CCDC146: variants seen among roughly 807,000 people sequenced by gnomAD.
CCDC146 encodes coiled-coil domain containing 146.
In CCDC146, 92 loss-of-function variants were observed where a neutral mutation model predicts 119.3. That is an observed-to-expected ratio of 0.77 (90% CI 0.65 to 0.92). The LOEUF (loss-of-function observed/expected upper bound fraction) is 0.92. Ranked by LOEUF, CCDC146 falls within the 40% of genes least tolerant of loss-of-function variation. The pLI is 0.00. For missense variants in CCDC146, 1,000 were observed against 1,103.0 expected (o/e 0.91, Z 1.32); for synonymous variants, 372 against 371.8 (o/e 1.00, Z -0.01).
chr7:77,196,509 C>T lies in CCDC146; in HGVS notation c.156+28685C>T. ...CCACAGTTCCCAGAAGGATATCGAT[C>T]ATTGTCTTTATCTGGAGTGGTGAAA... On this transcript the variant is annotated intron_variant, in intron 2 of 18. Coordinates refer to ENST00000285871, the MANE Select transcript of CCDC146 (RefSeq NM_020879.3). This position sits in a 1 kb window ranked among gnomAD's most constrained non-coding sequence, Gnocchi z 4.2. 1 of 1,614,120 alleles carries T rather than the reference C, an allele frequency of 6.2e-7. No individual in the cohort carries two copies. Among genetic ancestry groups the T allele is most frequent in the Non-Finnish European group, 8.5e-7 (1 of 1,180,002 alleles).
At chr7:77,265,771 G>A (rs1253558743) in intron 9 of CCDC146, among the ~76,000 whole-genome samples, 3 of 152,222 alleles carry the variant, frequency 2.0e-5, no homozygotes, top group African/African-American at 7.2e-5. Flanking sequence ...ACATATGCAA[G>A]TAGGAAGTAA....
chr7:77,124,697 T>G lies in CCDC146; in HGVS notation c.-12+1965T>G, dbSNP rs548753277. Among the ~76,000 whole-genome samples the G allele has an allele frequency of 1.7e-4, 26 of 152,342 alleles. 1 individual carries two copies. The East Asian group carries it at 4.4e-3, about 26-fold the overall frequency. The stretch of plus-strand genomic sequence containing the variant: ...TTTTCACATCTTAGTTTAAAAAAGC[T>G]ATTTCTGTGGTCATGAACATATACT... On this transcript the variant is annotated intron_variant, in intron 1 of 18. Coordinates refer to ENST00000285871, the MANE Select transcript of CCDC146 (RefSeq NM_020879.3).
intron 2 of CCDC146, among the ~76,000 whole-genome samples, chr7:77,221,148 A>T (rs1277899811): frequency 6.6e-6 from 1 of 152,140 alleles, no homozygotes; most frequent in African/African-American, 2.4e-5. Context: ...GTGCTATACC[A>T]TTCATAAAGG....
chr7:77,232,946 A>C (rs1792659533), intron 2 of CCDC146, among the ~76,000 whole-genome samples: 1 of 152,232 alleles, frequency 6.6e-6, no homozygotes, highest in East Asian at 1.9e-4. Context: ...TTCAAATGCC[A>C]CAGTTTCTTG....
rs1024183621 is a variant in CCDC146 at position 77,211,858 on chromosome 7, G to A, written c.157-25089G>A. Among the ~76,000 whole-genome samples the A allele has an allele frequency of 5.3e-5, 8 of 151,958 alleles. No homozygotes were observed. The East Asian group carries it at 7.7e-4, about 15-fold the overall frequency. ...CTTGAACTCCTGACCTCAAGTGATC[G>A]GCCCACCCCAGCCTCTCAAAGTGCT... On this transcript the variant is annotated intron_variant, in intron 2 of 18. Transcript: ENST00000285871.
At chr7:77,212,950 ATTTT>A (rs5885013) in intron 2 of CCDC146, among the ~76,000 whole-genome samples, 1 of 111,268 alleles carries the variant, frequency 9.0e-6, no homozygotes, top group Non-Finnish European at 1.8e-5. Flanking sequence ...GGTCACATTA[ATTTT>A]TTTTTTTTTT....
At chr7:77,267,843 A>T (rs1206503441) in intron 9 of CCDC146, among the ~76,000 whole-genome samples, 1 of 152,200 alleles carries the variant, frequency 6.6e-6, no homozygotes, top group Non-Finnish European at 1.5e-5. Flanking sequence ...CTCTCAGTAT[A>T]TTAAAACACA....
chr7:77,271,533 T>G lies in CCDC146; in HGVS notation c.1174-2161T>G, dbSNP rs1294979825. On this transcript the variant is annotated intron_variant, in intron 9 of 18. Coordinates refer to ENST00000285871, the MANE Select transcript of CCDC146 (RefSeq NM_020879.3). ...TAGGAGATATATATATATATATATA[T>G]ATATATATATATATATATATATATA... Among the ~76,000 whole-genome samples, 67 of 13,284 alleles carry G rather than the reference T, an allele frequency of 5.0e-3. 5 individuals carry two copies. The highest frequency in any genetic ancestry group is 0.02 in the South Asian group (6 of 304). 8.7% of individuals were successfully genotyped at this position (13,284 alleles called of 152,430 possible).
intron 15 of CCDC146, among the ~76,000 whole-genome samples, chr7:77,285,275 G>C (rs1272805980): frequency 6.6e-6 from 1 of 151,930 alleles, no homozygotes; most frequent in African/African-American, 2.4e-5. Context: ...CTATATTTTT[G>C]TTTCTTATTT....
At chr7:77,258,955 G>A (rs773407163) in intron 6 of CCDC146, 40 bp from the exon 7 acceptor site, 21 of 1,379,156 alleles carry the variant, frequency 1.5e-5, no homozygotes, top group Middle Eastern at 1.8e-4. Flanking sequence ...GCTTCTAGCC[G>A]AAGACCGCAT....
At chr7:77,271,422 C>T (rs940243384) in intron 9 of CCDC146, among the ~76,000 whole-genome samples, 2 of 149,626 alleles carry the variant, frequency 1.3e-5, no homozygotes, top group Admixed American at 1.3e-4. Context: ...TGCAGATGGC[C>T]TATTGTGGGA....
chr7:77,125,421 A>G (rs71555959), intron 1 of CCDC146, among the ~76,000 whole-genome samples: 8 of 151,330 alleles, frequency 5.3e-5, no homozygotes, highest in African/African-American at 2.0e-4. Flanking sequence ...AGAGGGATAT[A>G]TACCACTTGA....
chr7:77,144,349 A>T (rs1192313339), intron 1 of CCDC146, among the ~76,000 whole-genome samples: 1 of 151,826 alleles, frequency 6.6e-6, no homozygotes, highest in East Asian at 1.9e-4. Context: ...ATATACAATC[A>T]TGTCATCTGC....
chr7:77,236,799 C>T (rs145283822), intron 2 of CCDC146, 148 bp from the exon 3 acceptor site: 2 of 610,020 alleles, frequency 3.3e-6, no homozygotes, highest in African/African-American at 1.9e-5. Flanking sequence ...TCTCCAAACA[C>T]CTGGCATGTT....
intron 1 of CCDC146, among the ~76,000 whole-genome samples, chr7:77,123,811 C>A (rs936500401): frequency 3.9e-5 from 6 of 152,192 alleles, no homozygotes; most frequent in African/African-American, 9.7e-5. Context: ...ATCATTGCCT[C>A]TTTTCTGTCC....
At chr7:77,132,611 C>T (rs1408833590) in intron 1 of CCDC146, among the ~76,000 whole-genome samples, 1 of 151,308 alleles carries the variant, frequency 6.6e-6, no homozygotes, top group African/African-American at 2.4e-5. Context: ...GTGGCACACA[C>T]CTGTAGTCCC....
intron 2 of CCDC146, among the ~76,000 whole-genome samples, chr7:77,203,037 C>T (rs965337090): frequency 6.9e-6 from 1 of 143,934 alleles, no homozygotes; most frequent in Admixed American, 7.0e-5. Flanking sequence ...ACTTGCCCCC[C>T]CCCCCCCCAG....
chr7:77,156,308 T>C (rs1791178799), intron 1 of CCDC146, among the ~76,000 whole-genome samples: 1 of 152,216 alleles, frequency 6.6e-6, no homozygotes, highest in South Asian at 2.1e-4. Context: ...CATTGTTACT[T>C]TAACACTTCA....
chr7:77,214,313 C>T (rs1161109022), intron 2 of CCDC146, among the ~76,000 whole-genome samples: 1 of 151,850 alleles, frequency 6.6e-6, no homozygotes, highest in African/African-American at 2.4e-5. Flanking sequence ...TTGTTTTTTG[C>T]TTGTTGATTT....
Sources: gnomAD v4.1 joint callset for allele counts (sites outside exome capture counted in the v4.1 genomes callset) on GRCh38, gnomAD v4.1.1 for gene constraint, Gnocchi (gnomAD v3.1) non-coding constraint, MANE v1.5 for transcripts, NCBI Gene and HGNC (gene_info 2026-07-23, HGNC 2026-07-21) for gene names.